The following PGPEP1 variants were observed in gnomAD, a reference collection of about 807,000 sequenced individuals.
The protein encoded by PGPEP1 is pyroglutamyl-peptidase 1.
A neutral mutation model predicts 24.1 loss-of-function variants in PGPEP1; 15 were observed. The observed-to-expected ratio is 0.62, with a 90% CI of 0.42 to 0.96. The LOEUF (loss-of-function observed/expected upper bound fraction) is 0.96. Among genes scored for constraint, PGPEP1 ranks in the 40% least tolerant of loss-of-function variants. The pLI is 0.00. For missense variants in PGPEP1, 242 were observed against 273.4 expected (o/e 0.89, Z 0.81); for synonymous variants, 122 against 116.4 (o/e 1.05, Z -0.31).
Position 18,364,868 on chromosome 19 carries a change from C to G in PGPEP1, c.*1285C>G, listed in dbSNP as rs537579965. On this transcript the variant is annotated 3_prime_UTR_variant, in exon 5 of 5. Coordinates refer to ENST00000269919, the MANE Select transcript of PGPEP1 (RefSeq NM_017712.4). ...TAAAACTCCACATCAGCGGAAACCC[C>G]CCCCTACTTCTGGCCTGGAGCTTCA... is the stretch of plus-strand genomic sequence containing the variant. 5.3e-5 allele frequency: 8 copies of G among 151,890 alleles called. No homozygotes were observed. Among genetic ancestry groups the G allele is most frequent in the African/African-American group, 1.9e-4 (8 of 41,328 alleles). The allele number at this position is 151,890 out of a possible 1,614,324, so 9.4% of individuals were successfully genotyped here. A position where few individuals can be genotyped will look rare whatever the true frequency, so the allele number is the denominator to read the frequency against.
intron 2 of PGPEP1, among the ~76,000 whole-genome samples, chr19:18,352,149 G>A (rs1163039142): frequency 1.3e-5 from 2 of 151,168 alleles, no homozygotes. Context: ...GTGGGTGCCT[G>A]TAGTCCCAGC....
chr19:18,353,042 T>C (rs1568313339), intron 2 of PGPEP1, among the ~76,000 whole-genome samples: 1 of 151,782 alleles, frequency 6.6e-6, no homozygotes, highest in Non-Finnish European at 1.5e-5. Flanking sequence ...CTCAGCCTCC[T>C]GAGTAGCTGG....
At chr19:18,357,328 C>T in intron 3 of PGPEP1, 55 bp from the exon 4 acceptor site, 6 of 1,376,990 alleles carry the variant, frequency 4.4e-6, no homozygotes, top group Non-Finnish European at 6.1e-6. Context: ...CTCAGGGGGA[C>T]CCCTCTGAGT....
rs1473694288 is a variant in PGPEP1, at chr19:18,363,957, A to C, written c.*374A>C. 2 of 188,314 alleles carry C rather than the reference A, an allele frequency of 1.1e-5. No homozygotes were observed. The highest frequency in any genetic ancestry group is 2.7e-4 in the East Asian group (2 of 7,434). 11.7% of individuals were successfully genotyped at this position (188,314 alleles called of 1,614,324 possible). A position where few individuals can be genotyped will look rare whatever the true frequency, so the allele number is the denominator to read the frequency against. On this transcript the variant is annotated 3_prime_UTR_variant, in exon 5 of 5. Coordinates refer to ENST00000269919, the MANE Select transcript of PGPEP1 (RefSeq NM_017712.4). ...CTGTCCGTTGGTGAAGGAATTTCAG[A>C]ATTCATTTTATATCCAAGACTGGCT...
chr19:18,369,799 C>T lies in PGPEP1; in HGVS notation c.*6216C>T, dbSNP rs7226. The stretch of plus-strand genomic sequence containing the variant: ...CTCAGTGTGGCTTCTCCCTGACCCC[C>T]GCCCTAGAACTTTTGCCAGTGCCTT... On this transcript the variant is annotated 3_prime_UTR_variant, in exon 5 of 5. Transcript: ENST00000269919. 41,108 of 151,968 alleles carry T rather than the reference C, an allele frequency of 0.27. 5,738 individuals are homozygous for T. Among genetic ancestry groups the T allele is most frequent in the East Asian group, 0.37 (1,891 of 5,146 alleles). The allele number at this position is 151,968 out of a possible 1,614,324, so 9.4% of individuals were successfully genotyped here. A position where few individuals can be genotyped will look rare whatever the true frequency, so the allele number is the denominator to read the frequency against.
At position 18,348,458 on chromosome 19, in the gene PGPEP1, C is replaced by T. The variant is rs188164776; in HGVS notation, c.87+5547C>T. On this transcript the variant is annotated intron_variant, in intron 2 of 4. Coordinates refer to ENST00000269919, the MANE Select transcript of PGPEP1 (RefSeq NM_017712.4). The stretch of plus-strand genomic sequence containing the variant: ...GTAGACAATGGGGCGTCTGCCCGAG[C>T]CCCGTCCTTTCACGGTGTATGCTTT... Among the ~76,000 whole-genome samples, 166 of 152,048 alleles carry T rather than the reference C, an allele frequency of 1.1e-3. 1 individual carries two copies. The highest frequency in any genetic ancestry group is 3.4e-3 in the Middle Eastern group (1 of 294).
chr19:18,346,545 C>G (rs932246541), intron 2 of PGPEP1, among the ~76,000 whole-genome samples: 1 of 151,128 alleles, frequency 6.6e-6, no homozygotes, highest in Non-Finnish European at 1.5e-5. Context: ...TCTATCTGTT[C>G]ATATCTGTGT....
chr19:18,363,908 G>A lies in PGPEP1; in HGVS notation c.*325G>A. On this transcript the variant is annotated 3_prime_UTR_variant, in exon 5 of 5. Coordinates refer to ENST00000269919, the MANE Select transcript of PGPEP1 (RefSeq NM_017712.4). Reference sequence around the variant, plus strand: ...ATCCATGAGCTGCGATACCACGGCTGGGGCCATATGTTCACCTGCTTTCCT... The same window carrying A: ...ATCCATGAGCTGCGATACCACGGCTAGGGCCATATGTTCACCTGCTTTCCT... The A allele has an allele frequency of 8.2e-6, 2 of 243,036 alleles. No homozygotes were observed. The highest frequency in any genetic ancestry group is 8.1e-6 in the Non-Finnish European group (1 of 124,048). The allele number at this position is 243,036 out of a possible 1,614,324, so 15.1% of individuals were successfully genotyped here. A position where few individuals can be genotyped will look rare whatever the true frequency, so the allele number is the denominator to read the frequency against.
chr19:18,345,342 C>T (rs1221556667), intron 2 of PGPEP1, among the ~76,000 whole-genome samples: 1 of 151,906 alleles, frequency 6.6e-6, no homozygotes, highest in African/African-American at 2.4e-5. Flanking sequence ...ACACAAGATT[C>T]CCCACCATTC....
chr19:18,359,013 C>T (rs972012997), intron 4 of PGPEP1, among the ~76,000 whole-genome samples: 1 of 151,984 alleles, frequency 6.6e-6, no homozygotes, highest in Non-Finnish European at 1.5e-5. Context: ...CAGGGCCAGG[C>T]GCAGTGGCTC....
intron 4 of PGPEP1, among the ~76,000 whole-genome samples, chr19:18,361,433 C>T (rs1971347758): frequency 6.6e-6 from 1 of 152,030 alleles, no homozygotes; most frequent in Non-Finnish European, 1.5e-5. Flanking sequence ...GCCACCGCGC[C>T]CGGCCACCCA....
chr19:18,354,820 A>G (rs1442493782), intron 2 of PGPEP1, among the ~76,000 whole-genome samples: 2 of 150,658 alleles, frequency 1.3e-5, no homozygotes, highest in African/African-American at 4.9e-5. Flanking sequence ...ACCCAGCCCC[A>G]TTTCTAAAAT....
chr19:18,340,604 CG>C lies in PGPEP1; in HGVS notation c.-76del, dbSNP rs1380388318. The C allele has an allele frequency of 7.3e-7, 1 of 1,364,378 alleles. No homozygotes were observed. The highest frequency in any genetic ancestry group is 9.8e-7 in the Non-Finnish European group (1 of 1,019,306). 84.5% of individuals were successfully genotyped at this position (1,364,378 alleles called of 1,614,324 possible). On this transcript the variant is annotated 5_prime_UTR_variant, in exon 1 of 5. Coordinates refer to ENST00000269919, the MANE Select transcript of PGPEP1 (RefSeq NM_017712.4). ...GGCTTGACAGGGGCGTGGCCTCGCG[CG>C]GCCGAGAGGCTGCAGCGGCAGCAGC...
At chr19:18,354,165 GC>G (rs1971114969) in intron 2 of PGPEP1, among the ~76,000 whole-genome samples, 1 of 152,076 alleles carries the variant, frequency 6.6e-6, no homozygotes, top group Admixed American at 6.6e-5. Flanking sequence ...AACCCAGGAG[GC>G]AGAGGTTGCA....
At chr19:18,362,341 A>G (rs1375293653) in intron 4 of PGPEP1, among the ~76,000 whole-genome samples, 1 of 151,724 alleles carries the variant, frequency 6.6e-6, no homozygotes, top group Admixed American at 6.6e-5. Context: ...CGGGAGGCGA[A>G]GGTTGGAGTG....
rs1319836195 is a variant in PGPEP1 at position 18,362,722 on chromosome 19, G to A, written c.438-669G>A. ...CAACCTGAGCAACAGAGCAGACTCT[G>A]TCTCAAAAAAAAAAAAAAAAAAAGC... On this transcript the variant is annotated intron_variant, in intron 4 of 4. Coordinates refer to ENST00000269919, the MANE Select transcript of PGPEP1 (RefSeq NM_017712.4). Among the ~76,000 whole-genome samples, 9 of 112,344 alleles carry A rather than the reference G, an allele frequency of 8.0e-5. No individual in the cohort carries two copies. In the Admixed American group the frequency reaches 1.0e-3, roughly 13 times the overall value. The allele number at this position is 112,344 out of a possible 152,430, so 73.7% of individuals were successfully genotyped here. A position where few individuals can be genotyped will look rare whatever the true frequency, so the allele number is the denominator to read the frequency against.
intron 2 of PGPEP1, among the ~76,000 whole-genome samples, chr19:18,347,710 T>G (rs770182450): frequency 6.6e-6 from 1 of 151,056 alleles, no homozygotes; most frequent in African/African-American, 2.4e-5. Flanking sequence ...CTTGGCTCAC[T>G]GCAACCTCTG....
intron 4 of PGPEP1, 94 bp from the exon 5 acceptor site, chr19:18,363,297 C>A: frequency 1.0e-6 from 1 of 998,258 alleles, no homozygotes. Context: ...AAGGTCTTCC[C>A]TTGGATTTGG....
At chr19:18,356,061 C>T (rs897727765) in intron 3 of PGPEP1, 50 bp downstream of exon 3, 2 of 1,149,840 alleles carry the variant, frequency 1.7e-6, no homozygotes, top group East Asian at 2.4e-5. Flanking sequence ...TACAGGTTGG[C>T]ACCCTTCATG....
Sources: allele counts gnomAD v4.1 joint callset (sites outside exome capture counted in the v4.1 genomes callset), GRCh38; gene constraint gnomAD v4.1.1; transcripts MANE v1.5; gene names NCBI Gene and HGNC (gene_info 2026-07-23, HGNC 2026-07-21).